Variants in CCDC77 observed in about 807,000 individuals in gnomAD.
The protein encoded by CCDC77 is coiled-coil domain containing 77, also known as coiled-coil domain-containing protein 77.
A neutral mutation model predicts 66.8 loss-of-function variants in CCDC77; 56 were observed. The ratio of observed to expected loss-of-function variants is 0.84; its 90% CI spans 0.68 to 1.05. The LOEUF (loss-of-function observed/expected upper bound fraction) is 1.05. Ranked by LOEUF, CCDC77 falls within the 50% of genes least tolerant of loss-of-function variation. The pLI is 0.00. For synonymous variants in CCDC77, 196 were observed against 195.2 expected (o/e 1.00, Z -0.03); for missense variants, 570 against 576.8 (o/e 0.99, Z 0.12).
intron 5 of CCDC77, 60 bp from the exon 6 acceptor site, chr12:428,708 GA>G: frequency 8.7e-7 from 1 of 1,150,132 alleles, no homozygotes; most frequent in Non-Finnish European, 1.2e-6. Context: ...CCTTTAAACA[GA>G]AAAAGGTTAC....
chr12:409,494 G>A (rs2137544998), intron 3 of CCDC77, 73 bp downstream of exon 3: 1 of 1,357,858 alleles, frequency 7.4e-7, no homozygotes, highest in East Asian at 2.3e-5. Context: ...CATAGGAACT[G>A]GAAAGGTATT....
rs1463153159 is a variant in CCDC77 at position 430,712 on chromosome 12, A to T, written c.559A>T (p.Ser187Cys). The change falls in exon 7 of 13, where the codon AGT (serine) becomes TGT (cysteine). Residue 187 changes from serine to cysteine, a missense_variant. Physicochemically the swap from Ser to Cys is moderately radical, Grantham distance 112. Transcript: ENST00000239830. ...TIQAVGECEQ[S>C]ESSAFKADPK... ...CCAGGCTGTAGGTGAATGTGAGCAG[A>T]GTGAATCTTCAGCTTTCAAAGCAGG... is the stretch of plus-strand genomic sequence containing the variant. 1 of 1,613,734 alleles carries T rather than the reference A, an allele frequency of 6.2e-7. No homozygotes were observed. Among genetic ancestry groups the T allele is most frequent in the Non-Finnish European group, 8.5e-7 (1 of 1,179,690 alleles).
rs1316828952 is a variant in CCDC77, at chr12:442,181, A to G, written c.*261A>G. The G allele has an allele frequency of 2.5e-6, 1 of 398,262 alleles. No homozygotes were observed. The highest frequency in any genetic ancestry group is 4.6e-6 in the Non-Finnish European group (1 of 219,732). The allele number at this position is 398,262 out of a possible 1,614,324, so 24.7% of individuals were successfully genotyped here. On this transcript the variant is annotated 3_prime_UTR_variant, in exon 13 of 13. Coordinates refer to ENST00000239830, the MANE Select transcript of CCDC77 (RefSeq NM_032358.4). Reference sequence around the variant, plus strand: ...AATGACTTGGAGGCTTTCATTATTTATCCTGTCTGTATTGACCGGTTTTTG... The same window carrying G: ...AATGACTTGGAGGCTTTCATTATTTGTCCTGTCTGTATTGACCGGTTTTTG...
chr12:433,595 G>A, intron 9 of CCDC77: 1 of 553,594 alleles, frequency 1.8e-6, no homozygotes, highest in Non-Finnish European at 2.5e-6. Flanking sequence ...TAGGCCGGGT[G>A]CAGTGGCTCA....
chr12:436,266 C>T (rs746531708), intron 9 of CCDC77, among the ~76,000 whole-genome samples: 11 of 151,846 alleles, frequency 7.2e-5, no homozygotes, highest in African/African-American at 1.2e-4. Flanking sequence ...TACAGGCGCC[C>T]ACCACCACGC....
chr12:412,039 C>T, intron 4 of CCDC77, 61 bp downstream of exon 4: 1 of 1,194,694 alleles, frequency 8.4e-7, no homozygotes, highest in Non-Finnish European at 1.2e-6. Flanking sequence ...TAGAGATGCC[C>T]TACAAGTGCC....
intron 1 of CCDC77, among the ~76,000 whole-genome samples, chr12:394,896 A>T (rs1944806236): frequency 6.6e-6 from 1 of 152,240 alleles, no homozygotes; most frequent in Non-Finnish European, 1.5e-5. Context: ...TATGACAGTG[A>T]ACAACAAAAA....
intron 4 of CCDC77, among the ~76,000 whole-genome samples, chr12:412,714 A>G (rs1475519163): frequency 6.6e-6 from 1 of 152,208 alleles, no homozygotes; most frequent in Non-Finnish European, 1.5e-5. Context: ...ATCAGTACAG[A>G]ATGAATCGAT....
intron 4 of CCDC77, among the ~76,000 whole-genome samples, chr12:416,307 A>ATGTG (rs144744794): frequency 5.8e-5 from 5 of 86,792 alleles, no homozygotes; most frequent in East Asian, 3.5e-4. Context: ...TTAAGTGTTT[A>ATGTG]TGTGTGTGTG....
intron 1 of CCDC77, among the ~76,000 whole-genome samples, chr12:395,961 AT>A (rs1338547478): frequency 3.3e-5 from 5 of 152,216 alleles, no homozygotes; most frequent in Non-Finnish European, 7.3e-5. Flanking sequence ...TGCATCTGTA[AT>A]CCCAGCTATT....
intron 3 of CCDC77, 118 bp downstream of exon 3, chr12:409,539 A>G (rs1055288541): frequency 1.1e-6 from 1 of 917,470 alleles, no homozygotes; most frequent in Admixed American, 2.1e-5. Flanking sequence ...TTTCTTTGAG[A>G]CAGAGTTTCA....
intron 5 of CCDC77, among the ~76,000 whole-genome samples, chr12:423,470 GTTTTTTGTGTTTTTTTTTGTTTTGTTT>G (rs1945458007): frequency 8.9e-5 from 4 of 44,876 alleles, no homozygotes; most frequent in Non-Finnish European, 1.4e-4. Flanking sequence ...TGTTTTTTGT[GTTTTTTGTGTTTTTTTTTGTTTTGTTT>G]TTTTTTTTTT....
chr12:410,765 T>C (rs1295949951), intron 3 of CCDC77, among the ~76,000 whole-genome samples: 1 of 151,956 alleles, frequency 6.6e-6, no homozygotes, highest in Non-Finnish European at 1.5e-5. Flanking sequence ...AGGCTGGTCT[T>C]GAACTCCTGA....
intron 5 of CCDC77, among the ~76,000 whole-genome samples, chr12:419,365 C>G (rs1014737584): frequency 1.3e-5 from 2 of 152,182 alleles, no homozygotes. Flanking sequence ...AAACTGAGCT[C>G]CTGGGAGATA....
chr12:393,531 C>G (rs1417825396), intron 1 of CCDC77, among the ~76,000 whole-genome samples: 2 of 108,642 alleles, frequency 1.8e-5, no homozygotes, highest in Non-Finnish European at 3.8e-5. Context: ...GGTAGTCAAT[C>G]TTGTCCTTTT....
upstream of CCDC77, among the ~76,000 whole-genome samples, chr12:400,313 T>C (rs1944879099): frequency 6.6e-6 from 1 of 152,254 alleles, no homozygotes; most frequent in Non-Finnish European, 1.5e-5. Flanking sequence ...TCTGTTTCAC[T>C]TTCTTATCAT....
chr12:416,390 T>TGTAG (rs1945279212), intron 4 of CCDC77, among the ~76,000 whole-genome samples: 1 of 47,520 alleles, frequency 2.1e-5, no homozygotes, highest in Admixed American at 3.2e-4. Flanking sequence ...TATATATATA[T>TGTAG]ATATATATAT....
At chr12:406,726 C>T (rs1341572226) in intron 2 of CCDC77, among the ~76,000 whole-genome samples, 3 of 152,118 alleles carry the variant, frequency 2.0e-5, no homozygotes, top group African/African-American at 7.2e-5. Context: ...GCAGGTGGAT[C>T]ACCTGAGGTC....
chr12:418,174 C>T (rs1591976634), intron 4 of CCDC77, among the ~76,000 whole-genome samples: 1 of 152,220 alleles, frequency 6.6e-6, no homozygotes, highest in Non-Finnish European at 1.5e-5. Flanking sequence ...CAAAAATTAG[C>T]CGGGCATGGT....
Sources: allele counts gnomAD v4.1 joint callset (sites outside exome capture counted in the v4.1 genomes callset), GRCh38; gene constraint gnomAD v4.1.1; transcripts MANE v1.5; gene names NCBI Gene and HGNC (gene_info 2026-07-23, HGNC 2026-07-21).